The following BRINP1 variants were observed in gnomAD, a reference collection of about 807,000 sequenced individuals.
BRINP1 encodes BMP/retinoic acid inducible neural specific 1.
A neutral mutation model predicts 72.9 loss-of-function variants in BRINP1; 17 were observed. The observed-to-expected ratio is 0.23, with a 90% confidence interval of 0.16 to 0.35. BRINP1 has a LOEUF of 0.35. Ranked by LOEUF, BRINP1 falls within the 10% of genes least tolerant of loss-of-function variation. BRINP1 has a pLI of 1.00. For missense variants in BRINP1, 850 were observed against 1,001.6 expected (o/e 0.85, Z 2.04); for synonymous variants, 418 against 378.5 (o/e 1.10, Z -1.21).
chr9:119,331,375 CA>C (rs1227435232), intron 1 of BRINP1, among the ~76,000 whole-genome samples: 7 of 152,194 alleles, frequency 4.6e-5, no homozygotes, highest in African/African-American at 1.7e-4. Flanking sequence ...ATAAGACAAT[CA>C]CATGATTTTG....
intron 7 of BRINP1, among the ~76,000 whole-genome samples, chr9:119,178,643 A>C (rs533123187): frequency 6.6e-6 from 1 of 152,304 alleles, no homozygotes; most frequent in South Asian, 2.1e-4. Flanking sequence ...TACCAGGCAT[A>C]GTGCTGGAGG....
intron 2 of BRINP1, among the ~76,000 whole-genome samples, chr9:119,267,278 T>C (rs1349766005): frequency 1.3e-5 from 2 of 152,140 alleles, no homozygotes; most frequent in South Asian, 2.1e-4. Flanking sequence ...AATGGAAACA[T>C]TGGTAGAGCC....
chr9:119,242,381 G>C (rs1490000211), intron 3 of BRINP1, among the ~76,000 whole-genome samples, 165 bp from the exon 4 acceptor site: 2 of 152,114 alleles, frequency 1.3e-5, no homozygotes, highest in Non-Finnish European at 2.9e-5. Flanking sequence ...ACTGTCTAGA[G>C]GTGGCTGTAA....
intron 2 of BRINP1, among the ~76,000 whole-genome samples, chr9:119,253,013 A>C (rs1323856527): frequency 1.3e-5 from 2 of 152,140 alleles, no homozygotes; most frequent in African/African-American, 4.8e-5. Context: ...TAAGTGAGGA[A>C]ATGTATGCGA....
Position 119,355,584 on chromosome 9 carries a change from C to T in BRINP1, c.-51+13472G>A, listed in dbSNP as rs551529543. ...TCTAATAAAAACACAAAAAAATTAG[C>T]CGGGCGTGGTGGTGGGTGCCTGTAG... On this transcript the variant is annotated intron_variant, in intron 1 of 7. Coordinates refer to ENST00000265922, the MANE Select transcript of BRINP1 (RefSeq NM_014618.3). 3.3e-5 allele frequency among the ~76,000 whole-genome samples: 5 copies of T among 152,110 alleles called. No individual in the cohort carries two copies. In the South Asian group the frequency reaches 1.0e-3, roughly 32 times the overall value.
At chr9:119,307,256 A>AT (rs375621877) in intron 2 of BRINP1, among the ~76,000 whole-genome samples, 3 of 151,812 alleles carry the variant, frequency 2.0e-5, no homozygotes, top group African/African-American at 7.3e-5. Flanking sequence ...ACTGACAATA[A>AT]TTTTTTTTAG....
At chr9:119,174,510 CTG>C (rs1194196478) in intron 7 of BRINP1, among the ~76,000 whole-genome samples, 1 of 138,150 alleles carries the variant, frequency 7.2e-6, no homozygotes, top group Non-Finnish European at 1.5e-5. Flanking sequence ...CACTTTTACA[CTG>C]TTGGTGGGAC....
chr9:119,243,556 T>C (rs1830281216), intron 3 of BRINP1, among the ~76,000 whole-genome samples: 1 of 152,206 alleles, frequency 6.6e-6, no homozygotes, highest in Non-Finnish European at 1.5e-5. Context: ...TATATTCCTT[T>C]TGATACATAC....
At chr9:119,247,611 C>T (rs1293169939) in intron 3 of BRINP1, among the ~76,000 whole-genome samples, 5 of 135,022 alleles carry the variant, frequency 3.7e-5, no homozygotes, top group Non-Finnish European at 6.1e-5. Context: ...GCCGAGATCG[C>T]GCCACTACTG....
At chr9:119,322,213 G>A (rs557877777) in intron 1 of BRINP1, among the ~76,000 whole-genome samples, 9 of 152,318 alleles carry the variant, frequency 5.9e-5, no homozygotes, top group African/African-American at 1.7e-4. Flanking sequence ...TGCCACTGGA[G>A]TTTAGAGCTT....
intron 2 of BRINP1, among the ~76,000 whole-genome samples, chr9:119,287,428 A>G (rs1274626983): frequency 6.6e-6 from 1 of 152,208 alleles, no homozygotes; most frequent in African/African-American, 2.4e-5. Context: ...ACTTCTCTGA[A>G]CCACAAACAC....
At chr9:119,213,838 G>T (rs547074871) in intron 6 of BRINP1, 81 bp downstream of exon 6, 1 of 1,254,754 alleles carries the variant, frequency 8.0e-7, no homozygotes, top group Non-Finnish European at 1.2e-6. Flanking sequence ...CCTTGCAGCA[G>T]TCCTAATTCC....
chr9:119,225,592 A>C (rs954829248), intron 5 of BRINP1, among the ~76,000 whole-genome samples: 1 of 151,946 alleles, frequency 6.6e-6, no homozygotes, highest in Non-Finnish European at 1.5e-5. Context: ...AATAGTCTCT[A>C]TCTGGTTGGT....
chr9:119,221,477 G>A lies in BRINP1; in HGVS notation c.686-7322C>T, dbSNP rs1172429853. On this transcript the variant is annotated intron_variant, in intron 5 of 7. Coordinates refer to ENST00000265922, the MANE Select transcript of BRINP1 (RefSeq NM_014618.3). ...TCCATCGCTGACAGCTCATTGGAGT[G>A]GAATGAAAATAAGACAATAATTCAC... is the stretch of plus-strand genomic sequence containing the variant. Among the ~76,000 whole-genome samples the A allele has an allele frequency of 2.6e-5, 4 of 152,066 alleles. No homozygotes were observed. In the South Asian group the frequency reaches 6.2e-4, roughly 24 times the overall value.
chr9:119,274,567 C>G (rs1830636345), intron 2 of BRINP1, among the ~76,000 whole-genome samples: 1 of 152,194 alleles, frequency 6.6e-6, no homozygotes, highest in Non-Finnish European at 1.5e-5. Context: ...AACACACATT[C>G]TTTTGCTGGG....
chr9:119,328,746 G>GT (rs1166045768), intron 1 of BRINP1, among the ~76,000 whole-genome samples: 2 of 152,152 alleles, frequency 1.3e-5, no homozygotes, highest in East Asian at 3.9e-4. Context: ...GAAGGAAGAA[G>GT]TAACTCAAAC....
chr9:119,346,031 A>G (rs186654640), intron 1 of BRINP1, among the ~76,000 whole-genome samples: 82 of 152,258 alleles, frequency 5.4e-4, no homozygotes, highest in African/African-American at 1.9e-3. Context: ...CCTCTTAACC[A>G]CAAAGCATAC....
At chr9:119,358,335 G>T (rs1831591678) in intron 1 of BRINP1, among the ~76,000 whole-genome samples, 1 of 150,170 alleles carries the variant, frequency 6.7e-6, no homozygotes, top group Middle Eastern at 3.5e-3. Context: ...CAAGGCGAAG[G>T]TTCTAAAACC....
chr9:119,280,983 A>G (rs1830705384), intron 2 of BRINP1, among the ~76,000 whole-genome samples: 1 of 152,162 alleles, frequency 6.6e-6, no homozygotes, highest in Non-Finnish European at 1.5e-5. Context: ...ATTTTGCCCA[A>G]TGTGCCCAGG....
Sources: gnomAD v4.1 joint callset for allele counts (sites outside exome capture counted in the v4.1 genomes callset) on GRCh38, gnomAD v4.1.1 for gene constraint, MANE v1.5 for transcripts, NCBI Gene and HGNC (gene_info 2026-07-23, HGNC 2026-07-21) for gene names.